Variants in PTPRD observed in about 807,000 individuals in gnomAD.
PTPRD encodes the protein receptor-type tyrosine-protein phosphatase delta.
Under a neutral mutation model 214.5 loss-of-function variants are expected in PTPRD, and 34 were observed. The observed-to-expected ratio is 0.16, with a 90% CI of 0.12 to 0.21. The LOEUF (loss-of-function observed/expected upper bound fraction) is 0.21, where lower values mean the gene tolerates loss of function less well. Among genes scored for constraint, PTPRD ranks in the 10% least tolerant of loss-of-function variants. The pLI, the probability that PTPRD is intolerant of heterozygous loss-of-function variation, is 1.00. For synonymous variants in PTPRD, 1,128 were observed against 845.7 expected (o/e 1.33, Z -5.79); for missense variants, 2,545 against 2,398.7 (o/e 1.06, Z -1.27).
intron 11 of PTPRD, among the ~76,000 whole-genome samples, chr9:8,764,393 G>A (rs888827289): frequency 1.3e-5 from 2 of 152,120 alleles, no homozygotes; most frequent in Admixed American, 6.6e-5. Context: ...TATGTTCCCA[G>A]TAACACCCTG....
intron 2 of PTPRD, among the ~76,000 whole-genome samples, chr9:10,476,952 G>T (rs140778132): frequency 6.6e-6 from 1 of 152,078 alleles, no homozygotes; most frequent in Non-Finnish European, 1.5e-5. Flanking sequence ...AACAGAAATT[G>T]GACCCCTTAC....
intron 5 of PTPRD, among the ~76,000 whole-genome samples, chr9:9,824,129 T>C (rs537927013): frequency 1.3e-5 from 2 of 152,084 alleles, no homozygotes; most frequent in South Asian, 4.1e-4. Flanking sequence ...AATGAATTTT[T>C]TGTTTAGACC....
At chr9:8,328,698 C>G (rs1018835992) in intron 44 of PTPRD, among the ~76,000 whole-genome samples, 1 of 151,760 alleles carries the variant, frequency 6.6e-6, no homozygotes, top group African/African-American at 2.4e-5. Context: ...TTCATATAGT[C>G]CCATATTTCT....
intron 3 of PTPRD, among the ~76,000 whole-genome samples, chr9:10,306,309 G>C (rs930544980): frequency 2.6e-5 from 4 of 151,912 alleles, no homozygotes; most frequent in African/African-American, 9.7e-5. Flanking sequence ...AGCATTAGGA[G>C]AAACACCTAA....
At chr9:8,816,095 G>A (rs183874893) in intron 11 of PTPRD, among the ~76,000 whole-genome samples, 1 of 152,218 alleles carries the variant, frequency 6.6e-6, no homozygotes, top group East Asian at 1.9e-4. Flanking sequence ...AACCCCTGCT[G>A]ATCTGTTTAC....
At chr9:9,991,423 G>GTGA (rs2095916052) in intron 4 of PTPRD, among the ~76,000 whole-genome samples, 1 of 150,484 alleles carries the variant, frequency 6.6e-6, no homozygotes, top group African/African-American at 2.5e-5. Context: ...GTGCAATGTT[G>GTGA]TGATCTCAGC....
intron 11 of PTPRD, among the ~76,000 whole-genome samples, chr9:8,841,817 G>C (rs1443611280): frequency 1.3e-5 from 2 of 151,994 alleles, no homozygotes; most frequent in African/African-American, 2.4e-5. Flanking sequence ...TTCAAGACCA[G>C]CCTGGCCAAC....
At chr9:9,748,290 T>C (rs910071381) in intron 6 of PTPRD, among the ~76,000 whole-genome samples, 1 of 152,350 alleles carries the variant, frequency 6.6e-6, no homozygotes, top group South Asian at 2.1e-4. Context: ...CTAAAATCTT[T>C]GCATATTTGC....
intron 8 of PTPRD, among the ~76,000 whole-genome samples, chr9:9,443,976 T>C (rs2089393603): frequency 6.6e-6 from 1 of 152,210 alleles, no homozygotes; most frequent in Non-Finnish European, 1.5e-5. Context: ...ATGACAATTT[T>C]TCTAACTACA....
chr9:9,186,865 A>G (rs1421572374), intron 9 of PTPRD, among the ~76,000 whole-genome samples: 1 of 151,948 alleles, frequency 6.6e-6, no homozygotes, highest in Admixed American at 6.6e-5. Context: ...AATTATCTAG[A>G]TGATGTTTAT....
chr9:9,045,468 C>T (rs1466621553), intron 10 of PTPRD, among the ~76,000 whole-genome samples: 1 of 152,078 alleles, frequency 6.6e-6, no homozygotes, highest in African/African-American at 2.4e-5. Context: ...ACAATAAAAG[C>T]TATTGAAGAG....
At chr9:10,591,479 C>T (rs2075429548) in intron 2 of PTPRD, among the ~76,000 whole-genome samples, 1 of 151,938 alleles carries the variant, frequency 6.6e-6, no homozygotes, top group Non-Finnish European at 1.5e-5. Flanking sequence ...ATAAAGAATT[C>T]AAGGAGAGTT....
intron 10 of PTPRD, among the ~76,000 whole-genome samples, chr9:9,118,117 T>G (rs188935640): frequency 3.9e-4 from 59 of 152,346 alleles, no homozygotes; most frequent in Non-Finnish European, 6.3e-4. Context: ...CTTGGGTTTT[T>G]GATCATTGCA....
intron 12 of PTPRD, 84 bp from the exon 13 acceptor site, chr9:8,636,928 C>G: frequency 7.5e-7 from 1 of 1,334,292 alleles, no homozygotes; most frequent in Non-Finnish European, 1.0e-6. Flanking sequence ...CCCCACCATC[C>G]TCAACCACAC....
intron 14 of PTPRD, among the ~76,000 whole-genome samples, chr9:8,630,180 A>T (rs1047426064): frequency 2.2e-4 from 33 of 151,962 alleles, no homozygotes; most frequent in Admixed American, 2.0e-3. Flanking sequence ...TAAATGATCC[A>T]CGTGGACGAA....
intron 10 of PTPRD, among the ~76,000 whole-genome samples, chr9:9,021,136 A>C (rs1316418877): frequency 6.6e-6 from 1 of 152,190 alleles, no homozygotes; most frequent in African/African-American, 2.4e-5. Flanking sequence ...TCTAAAGTAC[A>C]TCTCTTAAAT....
chr9:8,749,173 G>A (rs140698117), intron 11 of PTPRD, among the ~76,000 whole-genome samples: 2 of 152,118 alleles, frequency 1.3e-5, no homozygotes, highest in East Asian at 3.9e-4. Context: ...GATATAGTTG[G>A]GATTTTTTGT....
intron 12 of PTPRD, among the ~76,000 whole-genome samples, chr9:8,682,439 C>T (rs1036141814): frequency 2.8e-5 from 4 of 143,640 alleles, no homozygotes; most frequent in African/African-American, 1.1e-4. Flanking sequence ...CAATATCACA[C>T]GTACCCCCAA....
intron 2 of PTPRD, among the ~76,000 whole-genome samples, chr9:10,476,403 T>G (rs1420995112): frequency 6.6e-6 from 1 of 151,918 alleles, no homozygotes; most frequent in East Asian, 1.9e-4. Context: ...AAGAGGAGAA[T>G]AAAATACCTA....
Sources: gnomAD v4.1 joint callset for allele counts (sites outside exome capture counted in the v4.1 genomes callset) on GRCh38, gnomAD v4.1.1 for gene constraint, MANE v1.5 for transcripts, NCBI Gene and HGNC (gene_info 2026-07-23, HGNC 2026-07-21) for gene names.